SUMF1: variants seen among roughly 807,000 people sequenced by gnomAD.
SUMF1 encodes sulfatase modifying factor 1.
SUMF1 carries 48 observed loss-of-function variants against 47.6 expected under a neutral mutation model. That is an observed-to-expected ratio of 1.01 (90% confidence interval 0.80 to 1.28). SUMF1 has a LOEUF of 1.28. SUMF1 is among the 50% of genes most tolerant of loss of function. The pLI is 0.00. For synonymous variants in SUMF1, 230 were observed against 192.1 expected (o/e 1.20, Z -1.63); for missense variants, 571 against 485.4 (o/e 1.18, Z -1.66).
intron 8 of SUMF1, among the ~76,000 whole-genome samples, chr3:4,209,471 C>A (rs551171019): frequency 3.5e-4 from 53 of 152,172 alleles, no homozygotes; most frequent in Non-Finnish European, 6.3e-4. Flanking sequence ...TTCTAAGATC[C>A]TTCCAGTATT....
chr3:4,305,140 T>C (rs1302473522), intron 8 of SUMF1, among the ~76,000 whole-genome samples: 2 of 151,876 alleles, frequency 1.3e-5, no homozygotes, highest in African/African-American at 2.4e-5. Flanking sequence ...CAGGCTAGAG[T>C]GTGGTGGTGC....
At chr3:4,155,697 T>C (rs1344034884) in intron 8 of SUMF1, among the ~76,000 whole-genome samples, 2 of 151,502 alleles carry the variant, frequency 1.3e-5, no homozygotes, top group Non-Finnish European at 2.9e-5. Flanking sequence ...TAGTAAACTC[T>C]TTCATGCTTA....
intron 3 of SUMF1, among the ~76,000 whole-genome samples, chr3:4,436,733 T>C (rs793392): frequency 0.27 from 40,497 of 150,870 alleles, 6,089 homozygotes; most frequent in Non-Finnish European, 0.33. Flanking sequence ...ATGAAGGAGA[T>C]TAACATGCTA....
chr3:4,239,277 T>C lies in SUMF1; in HGVS notation c.1014+137053A>G, dbSNP rs1456242774. Among the ~76,000 whole-genome samples, 6 of 152,294 alleles carry C rather than the reference T, an allele frequency of 3.9e-5. 1 individual carries two copies. The East Asian group carries it at 1.2e-3, about 29-fold the overall frequency. On this transcript the variant is annotated intron_variant and NMD_transcript_variant, in intron 8 of 12. Transcript: ENST00000448413. Reference sequence around the variant, plus strand: ...ATATGGGTTCTTTTTTGGTTCCATGTGAAATTTAAAGTAGATTTTCTAAAT... The same window carrying C: ...ATATGGGTTCTTTTTTGGTTCCATGCGAAATTTAAAGTAGATTTTCTAAAT...
intron 9 of SUMF1, among the ~76,000 whole-genome samples, chr3:4,057,188 C>T (rs1423746090): frequency 6.6e-6 from 1 of 152,136 alleles, no homozygotes; most frequent in Non-Finnish European, 1.5e-5. Flanking sequence ...CCACCAGCTG[C>T]ACTCAGATGG....
chr3:4,184,730 C>T (rs1441034471), intron 8 of SUMF1, among the ~76,000 whole-genome samples: 2 of 148,210 alleles, frequency 1.3e-5, no homozygotes, highest in Non-Finnish European at 3.0e-5. Flanking sequence ...CTCACTGCAA[C>T]CTCCGCCTCC....
chr3:4,426,830 G>A (rs1702083376), intron 3 of SUMF1, among the ~76,000 whole-genome samples: 1 of 152,050 alleles, frequency 6.6e-6, no homozygotes. Context: ...ATATCCAGAG[G>A]AAAAAGGACT....
At chr3:4,147,012 T>C (rs564350657) in intron 8 of SUMF1, among the ~76,000 whole-genome samples, 1 of 152,080 alleles carries the variant, frequency 6.6e-6, no homozygotes, top group Non-Finnish European at 1.5e-5. Flanking sequence ...GGGCGAAGGA[T>C]ATGAACAGAC....
intron 7 of SUMF1, among the ~76,000 whole-genome samples, chr3:4,380,402 T>A (rs1700466880): frequency 6.6e-6 from 1 of 152,074 alleles, no homozygotes; most frequent in Non-Finnish European, 1.5e-5. Flanking sequence ...AAGAGAACAA[T>A]AGACACTGGG....
At chr3:4,309,856 TAC>T in intron 8 of SUMF1, among the ~76,000 whole-genome samples, 1 of 152,342 alleles carries the variant, frequency 6.6e-6, no homozygotes, top group South Asian at 2.1e-4. Context: ...ATACTTCAGA[TAC>T]AGTTATTATT....
intron 8 of SUMF1, among the ~76,000 whole-genome samples, chr3:4,286,215 A>G (rs1231208363): frequency 6.6e-6 from 1 of 152,102 alleles, no homozygotes; most frequent in African/African-American, 2.4e-5. Context: ...TTATAAATGG[A>G]AAAATTTATA....
chr3:4,114,151 C>T (rs1693371713), intron 8 of SUMF1, among the ~76,000 whole-genome samples: 1 of 152,096 alleles, frequency 6.6e-6, no homozygotes, highest in African/African-American at 2.4e-5. Flanking sequence ...GCTCTCTTTC[C>T]TGTTACACCA....
At chr3:4,445,835 G>A (rs533139553) in intron 3 of SUMF1, among the ~76,000 whole-genome samples, 10 of 152,294 alleles carry the variant, frequency 6.6e-5, no homozygotes, top group Admixed American at 1.3e-4. Flanking sequence ...CTGTGAAACC[G>A]TACTATAGTT....
intron 8 of SUMF1, among the ~76,000 whole-genome samples, chr3:4,174,209 A>C (rs921242188): frequency 2.6e-5 from 4 of 151,892 alleles, no homozygotes; most frequent in South Asian, 2.1e-4. Context: ...ACAAAAAATT[A>C]GCCAGGCATG....
chr3:4,066,315 T>A (rs1230419182), intron 9 of SUMF1, among the ~76,000 whole-genome samples: 1 of 152,110 alleles, frequency 6.6e-6, no homozygotes, highest in Admixed American at 6.6e-5. Flanking sequence ...TAAAACGATC[T>A]TTTTTCATGA....
rs1553610077 is a variant in SUMF1 at position 4,217,522 on chromosome 3, A to ATATATAT, written c.1015-148784_1015-148778dup. 5.5e-5 allele frequency among the ~76,000 whole-genome samples: 4 copies of ATATATAT among 72,260 alleles called. 1 individual carries two copies. Among genetic ancestry groups the ATATATAT allele is most frequent in the South Asian group, 6.9e-4 (1 of 1,456 alleles). 47.4% of individuals were successfully genotyped at this position (72,260 alleles called of 152,430 possible). On this transcript the variant is annotated intron_variant and NMD_transcript_variant, in intron 8 of 12. Transcript: ENST00000448413. ...AGAACTTAAAGTATTTTTTATATAT[A>ATATATAT]TATATATATATATATATGAAGAAAA...
At chr3:4,109,856 T>C (rs1249193042) in intron 8 of SUMF1, among the ~76,000 whole-genome samples, 5 of 152,118 alleles carry the variant, frequency 3.3e-5, no homozygotes, top group Non-Finnish European at 7.3e-5. Context: ...TTAACTTCTT[T>C]GCCATGGGTT....
intron 8 of SUMF1, among the ~76,000 whole-genome samples, chr3:4,101,908 GAA>G (rs1474813255): frequency 6.6e-6 from 1 of 152,140 alleles, no homozygotes; most frequent in East Asian, 1.9e-4. Flanking sequence ...CATGGCTGGG[GAA>G]GCCTCAGGAA....
At chr3:4,316,980 C>G in intron 8 of SUMF1, 1 of 1,549,414 alleles carries the variant, frequency 6.5e-7, no homozygotes, top group Non-Finnish European at 8.7e-7. Context: ...TGTTGCACAA[C>G]CCACACTTCA....
Sources: allele counts gnomAD v4.1 joint callset (sites outside exome capture counted in the v4.1 genomes callset), GRCh38; gene constraint gnomAD v4.1.1; transcripts MANE v1.5; gene names NCBI Gene and HGNC (gene_info 2026-07-23, HGNC 2026-07-21).